PMF1: variants seen among roughly 807,000 people sequenced by gnomAD.
The protein encoded by PMF1 is polyamine modulated factor 1.
Under a neutral mutation model 26.7 loss-of-function variants are expected in PMF1, and 21 were observed. The ratio of observed to expected loss-of-function variants is 0.79; its 90% CI spans 0.56 to 1.13. The LOEUF (loss-of-function observed/expected upper bound fraction) is 1.13. PMF1 is among the 50% of genes most tolerant of loss of function. PMF1 has a pLI of 0.00. For missense variants in PMF1, 266 were observed against 254.9 expected (o/e 1.04, Z -0.30); for synonymous variants, 105 against 101.0 (o/e 1.04, Z -0.24).
chr1:156,221,116 A>AATT (rs1419138426), intron 1 of PMF1, among the ~76,000 whole-genome samples: 1 of 151,930 alleles, frequency 6.6e-6, no homozygotes, highest in East Asian at 1.9e-4. Context: ...CTTGTCCTTT[A>AATT]AACGTGTGAA....
intron 1 of PMF1, among the ~76,000 whole-genome samples, chr1:156,230,002 C>T (rs543310187): frequency 7.4e-4 from 112 of 152,318 alleles, no homozygotes; most frequent in Non-Finnish European, 1.1e-3. Context: ...TGAGCTGGCT[C>T]CAGTATACCA....
chr1:156,225,190 A>G (rs755038569), intron 1 of PMF1, among the ~76,000 whole-genome samples: 1 of 151,194 alleles, frequency 6.6e-6, no homozygotes. Flanking sequence ...ATGAGCTACC[A>G]TGCCCTGATG....
Position 156,239,745 on chromosome 1 carries a change from C to T in PMF1, c.*144C>T. 1 of 668,556 alleles carries T rather than the reference C, an allele frequency of 1.5e-6. No homozygotes were observed. Among genetic ancestry groups the T allele is most frequent in the Non-Finnish European group, 2.7e-6 (1 of 377,250 alleles). The allele number at this position is 668,556 out of a possible 1,614,324, so 41.4% of individuals were successfully genotyped here. ...TGATGGAATTTGCTGGAGGACTAGG[C>T]CAGAGCAAGCCTCACTGCCACTGTG... On this transcript the variant is annotated 3_prime_UTR_variant, in exon 5 of 5. Transcript: ENST00000368277.
At chr1:156,234,089 T>C (rs1381030818) in intron 3 of PMF1, among the ~76,000 whole-genome samples, 4 of 152,160 alleles carry the variant, frequency 2.6e-5, no homozygotes, top group Non-Finnish European at 5.9e-5. Context: ...AAAAAAACTT[T>C]TAAAAGGCTG....
intron 1 of PMF1, among the ~76,000 whole-genome samples, chr1:156,222,760 G>T (rs562878478): frequency 2.7e-4 from 41 of 151,520 alleles, no homozygotes; most frequent in Non-Finnish European, 5.4e-4. Context: ...CAGGTGATCC[G>T]CCCGCCTCAG....
rs201504927 is a variant in PMF1, at chr1:156,213,054, T to G, written c.39T>G (p.Cys13Trp). Residue 13 changes from cysteine to tryptophan, a missense_variant, in exon 1 of 5, where the codon TGT becomes TGG. Cys to Trp is a radical substitution (Grantham distance 215). Transcript: ENST00000368277. ...GTAGCGCCAATCTAGGCAGCGGCTG[T>G]GAGGAAAAAAGGCATGAGGGGTCGT... ...EASSANLGSG[C>W]EEKRHEGSSS... 1.2e-6 allele frequency: 2 copies of G among 1,614,120 alleles called. No individual in the cohort carries two copies. The highest frequency in any genetic ancestry group is 1.7e-6 in the Non-Finnish European group (2 of 1,179,988).
chr1:156,221,542 T>C (rs939152210), intron 1 of PMF1, among the ~76,000 whole-genome samples: 8 of 152,218 alleles, frequency 5.3e-5, no homozygotes, highest in Admixed American at 2.6e-4. Flanking sequence ...GTATCTTGTC[T>C]GTCTTGTTCA....
intron 1 of PMF1, among the ~76,000 whole-genome samples, chr1:156,215,021 G>T (rs1475846583): frequency 6.6e-6 from 1 of 151,874 alleles, no homozygotes. Flanking sequence ...GAGATTACAG[G>T]TGCCTGCTAC....
Position 156,236,363 on chromosome 1 carries a change from G to A in PMF1, c.444G>A (p.Leu148=). 1.2e-6 allele frequency: 2 copies of A among 1,614,222 alleles called. No homozygotes were observed. The highest frequency in any genetic ancestry group is 1.7e-6 in the Non-Finnish European group (2 of 1,180,018). The change falls in exon 4 of 5, where the codon CTG becomes CTA. Residue 148 remains leucine, a synonymous_variant. Coordinates refer to ENST00000368277, the MANE Select transcript of PMF1 (RefSeq NM_007221.4). ...APYFLQQRDT[L]RRHVQKQEAE... ...ACTTCCTGCAGCAACGGGACACCCT[G>A]CGGCGCCATGTGCAGAAACAGGAGG...
At chr1:156,222,675 C>T (rs1391957292) in intron 1 of PMF1, among the ~76,000 whole-genome samples, 1 of 151,746 alleles carries the variant, frequency 6.6e-6, no homozygotes, top group Non-Finnish European at 1.5e-5. Flanking sequence ...AGCCACTGCT[C>T]CCAGCCGAAT....
Position 156,236,447 on chromosome 1 carries a change from G to A in PMF1, c.528G>A (p.Leu176=), listed in dbSNP as rs2103131352. The change falls in exon 4 of 5, where the codon CTG becomes CTA. Residue 176 remains leucine (L), a synonymous_variant. Transcript: ENST00000368277. ...CAGGGCGGAGGCAGGTGGAGGAGCT[G>A]CAGCTACAGGTCCAGGCCCAGCAGC... is the stretch of plus-strand genomic sequence containing the variant. ...VLAGRRQVEE[L]QLQVQAQQQA... is the part of the protein sequence containing the mutation. 6.2e-7 allele frequency: 1 copy of A among 1,613,738 alleles called. No homozygotes were observed. Among genetic ancestry groups the A allele is most frequent in the Admixed American group, 1.7e-5 (1 of 59,972 alleles).
intron 1 of PMF1, among the ~76,000 whole-genome samples, chr1:156,221,320 C>T (rs1658070698): frequency 1.3e-5 from 2 of 152,226 alleles, no homozygotes; most frequent in Non-Finnish European, 2.9e-5. Flanking sequence ...GCCTTGGCAT[C>T]TGCACTTGCT....
intron 2 of PMF1, among the ~76,000 whole-genome samples, chr1:156,233,349 G>A (rs1658827074): frequency 6.6e-6 from 1 of 150,916 alleles, no homozygotes; most frequent in African/African-American, 2.4e-5. Flanking sequence ...GTAGCGACAG[G>A]GTTTCACCGT....
intron 1 of PMF1, among the ~76,000 whole-genome samples, chr1:156,220,099 G>C (rs1658001519): frequency 6.6e-6 from 1 of 152,020 alleles, no homozygotes; most frequent in African/African-American, 2.4e-5. Context: ...GGGTAGCTGG[G>C]ACTACAGGCA....
At chr1:156,225,406 A>G (rs917115163) in intron 1 of PMF1, 5 of 451,380 alleles carry the variant, frequency 1.1e-5, no homozygotes, top group Non-Finnish European at 2.0e-5. Flanking sequence ...TCACCCGAGC[A>G]GTGTACACTA....
At chr1:156,218,731 G>A (rs1324256601) in intron 1 of PMF1, among the ~76,000 whole-genome samples, 1 of 151,926 alleles carries the variant, frequency 6.6e-6, no homozygotes, top group East Asian at 1.9e-4. Flanking sequence ...GCAGTGAGCT[G>A]AGATTGCGCC....
chr1:156,224,724 AC>A (rs1181570450), intron 1 of PMF1, among the ~76,000 whole-genome samples: 1 of 151,754 alleles, frequency 6.6e-6, no homozygotes, highest in Non-Finnish European at 1.5e-5. Flanking sequence ...AGATCGCGCC[AC>A]TGCACTCCAG....
At chr1:156,233,796 T>C (rs1482526365) in intron 3 of PMF1, 68 bp downstream of exon 3, 26 of 1,405,980 alleles carry the variant, frequency 1.8e-5, no homozygotes, top group East Asian at 4.7e-5. Context: ...TTTTTTTTTT[T>C]CTAGAGTCAG....
chr1:156,216,162 G>C (rs977306863), intron 1 of PMF1, among the ~76,000 whole-genome samples: 2 of 151,774 alleles, frequency 1.3e-5, no homozygotes, highest in Non-Finnish European at 2.9e-5. Flanking sequence ...AGGCAGAGGC[G>C]GGTGGATCAC....
Sources: gnomAD v4.1 joint callset for allele counts (sites outside exome capture counted in the v4.1 genomes callset) on GRCh38, gnomAD v4.1.1 for gene constraint, MANE v1.5 for transcripts, NCBI Gene and HGNC (gene_info 2026-07-23, HGNC 2026-07-21) for gene names.